Variants in RIT2 observed in about 807,000 individuals in gnomAD.
The protein encoded by RIT2 is GTP-binding protein Rit2.
In RIT2, 24 loss-of-function variants were observed where a neutral mutation model predicts 23.7. That is an observed-to-expected ratio of 1.01 (90% confidence interval 0.73 to 1.43). The LOEUF (loss-of-function observed/expected upper bound fraction) is 1.43, where lower values mean the gene tolerates loss of function less well. RIT2 is among the 40% of genes most tolerant of loss of function. The pLI, the probability that RIT2 is intolerant of heterozygous loss-of-function variation, is 0.00. For synonymous variants in RIT2, 107 were observed against 91.1 expected (o/e 1.17, Z -0.99); for missense variants, 236 against 266.9 (o/e 0.88, Z 0.81).
chr18:43,072,835 T>A (rs1912928349), intron 1 of RIT2, among the ~76,000 whole-genome samples: 1 of 152,082 alleles, frequency 6.6e-6, no homozygotes, highest in South Asian at 2.1e-4. Context: ...TACAAGAAAA[T>A]TTCCTCACAT....
intron 4 of RIT2, among the ~76,000 whole-genome samples, chr18:42,892,318 T>C (rs1908202354): frequency 6.6e-6 from 1 of 152,210 alleles, no homozygotes; most frequent in African/African-American, 2.4e-5. Flanking sequence ...TTAAAATTTG[T>C]CCCAGAGCTG....
chr18:42,754,300 C>T (rs773863516), intron 4 of RIT2, among the ~76,000 whole-genome samples: 12 of 152,180 alleles, frequency 7.9e-5, no homozygotes, highest in Non-Finnish European at 1.3e-4. Context: ...ACTCAGATTT[C>T]CACCTGGGTT....
intron 4 of RIT2, among the ~76,000 whole-genome samples, chr18:42,769,345 G>GT (rs919426361): frequency 7.9e-5 from 12 of 151,806 alleles, no homozygotes; most frequent in Admixed American, 5.9e-4. Context: ...TAGTTATCAA[G>GT]TTTTTTTTCA....
chr18:42,813,172 T>G (rs377091554), intron 4 of RIT2, among the ~76,000 whole-genome samples: 21 of 152,182 alleles, frequency 1.4e-4, no homozygotes, highest in East Asian at 1.2e-3. Flanking sequence ...AATAGAGAGT[T>G]TTTACTAAAG....
chr18:43,088,180 A>G (rs200560290), intron 1 of RIT2, among the ~76,000 whole-genome samples: 1 of 152,336 alleles, frequency 6.6e-6, no homozygotes, highest in East Asian at 1.9e-4. Context: ...GTAAAAGCAG[A>G]ATAAAAAACT....
At chr18:43,067,334 G>A (rs1461831598) in intron 1 of RIT2, among the ~76,000 whole-genome samples, 1 of 152,014 alleles carries the variant, frequency 6.6e-6, no homozygotes, top group African/African-American at 2.4e-5. Context: ...AGATTATTCT[G>A]AGCCCACCAT....
intron 4 of RIT2, among the ~76,000 whole-genome samples, chr18:42,783,694 G>A (rs1268663306): frequency 6.6e-6 from 1 of 152,066 alleles, no homozygotes; most frequent in Non-Finnish European, 1.5e-5. Flanking sequence ...TGAGTTGGGA[G>A]AGAGAAAAGA....
At chr18:43,047,984 A>G (rs1036285059) in intron 1 of RIT2, among the ~76,000 whole-genome samples, 55 of 152,148 alleles carry the variant, frequency 3.6e-4, no homozygotes, top group African/African-American at 1.2e-3. Context: ...CATGAGGCCA[A>G]TGAAATGGCT....
intron 4 of RIT2, among the ~76,000 whole-genome samples, chr18:42,790,235 C>T (rs1437543625): frequency 6.6e-6 from 1 of 152,060 alleles, no homozygotes; most frequent in Non-Finnish European, 1.5e-5. Flanking sequence ...ATTTGAAAGC[C>T]CTCAATTTAG....
intron 2 of RIT2, among the ~76,000 whole-genome samples, chr18:42,980,115 T>A (rs555290783): frequency 1.3e-5 from 2 of 152,210 alleles, no homozygotes; most frequent in East Asian, 3.9e-4. Flanking sequence ...AGTCTACCTG[T>A]TTGTTGGCTG....
At chr18:42,902,166 C>T (rs1568025678) in intron 4 of RIT2, among the ~76,000 whole-genome samples, 2 of 151,532 alleles carry the variant, frequency 1.3e-5, no homozygotes, top group South Asian at 2.1e-4. Context: ...AAAAATTATA[C>T]CTTAATTTTT....
chr18:42,923,614 CA>C lies in RIT2; in HGVS notation c.383del (p.Leu128ArgfsTer22), dbSNP rs2144134096. 6.2e-7 allele frequency: 1 copy of C among 1,613,344 alleles called. No homozygotes were observed. The highest frequency in any genetic ancestry group is 1.1e-5 in the South Asian group (1 of 91,038). On this transcript the variant is annotated frameshift_variant, in exon 4 of 5. Coordinates refer to ENST00000326695, the MANE Select transcript of RIT2 (RefSeq NM_002930.4). LOFTEE classifies it high-confidence loss of function. ...FQVRHTYEIP[L>X]VLVGNKIDLE... is the part of the protein sequence containing the mutation. The stretch of plus-strand genomic sequence containing the variant: ...GATCAATTTTGTTACCCACCAGCAC[CA>C]GGGGAATTTCATAGGTGTGGCGGAC...
intron 3 of RIT2, among the ~76,000 whole-genome samples, chr18:42,959,949 A>G (rs1391648629): frequency 6.6e-6 from 1 of 152,252 alleles, no homozygotes; most frequent in Non-Finnish European, 1.5e-5. Flanking sequence ...CCAAGAAAAG[A>G]TGAATGAGAT....
At chr18:43,050,321 T>C (rs762071557) in intron 1 of RIT2, among the ~76,000 whole-genome samples, 2 of 151,970 alleles carry the variant, frequency 1.3e-5, no homozygotes, top group Non-Finnish European at 2.9e-5. Context: ...GTAAGCAACC[T>C]TGCCCAGCAG....
chr18:42,891,718 C>T (rs1908180870), intron 4 of RIT2, among the ~76,000 whole-genome samples: 2 of 151,970 alleles, frequency 1.3e-5, no homozygotes, highest in African/African-American at 2.4e-5. Flanking sequence ...ATGAAAAGTG[C>T]CGTGGTTGCT....
chr18:43,003,024 CATGCAGGGCAGCCAGGAGGAGCTGGGT>C (rs1241077072), intron 2 of RIT2, among the ~76,000 whole-genome samples: 1 of 151,864 alleles, frequency 6.6e-6, no homozygotes, highest in Non-Finnish European at 1.5e-5. Flanking sequence ...AAAAGCAAGG[CATGCAGGGCAGCCAGGAGGAGCTGGGT>C]AAAGAGCAAG....
intron 1 of RIT2, among the ~76,000 whole-genome samples, chr18:43,077,089 C>T (rs1188759044): frequency 1.3e-4 from 15 of 111,920 alleles, no homozygotes; most frequent in Non-Finnish European, 2.2e-4. Flanking sequence ...GGCGACAGAG[C>T]GAGACTCCGT....
intron 4 of RIT2, among the ~76,000 whole-genome samples, chr18:42,893,478 C>T (rs980056263): frequency 1.3e-5 from 2 of 152,026 alleles, no homozygotes; most frequent in Admixed American, 1.3e-4. Context: ...TTTATAAGGG[C>T]ACTCATCTCA....
At chr18:42,808,776 T>A (rs946170218) in intron 4 of RIT2, among the ~76,000 whole-genome samples, 2 of 152,130 alleles carry the variant, frequency 1.3e-5, no homozygotes, top group Non-Finnish European at 2.9e-5. Flanking sequence ...GTGGAAAAAT[T>A]CATCAAAGAC....
Sources: allele counts gnomAD v4.1 joint callset (sites outside exome capture counted in the v4.1 genomes callset), GRCh38; gene constraint gnomAD v4.1.1; transcripts MANE v1.5; gene names NCBI Gene and HGNC (gene_info 2026-07-23, HGNC 2026-07-21).